Variants in MMP26 observed in about 807,000 individuals in gnomAD.
MMP26 encodes the protein matrix metalloproteinase-26.
MMP26 carries 33 observed loss-of-function variants against 31.0 expected under a neutral mutation model. The observed-to-expected ratio is 1.06, with a 90% CI of 0.81 to 1.42. The LOEUF (loss-of-function observed/expected upper bound fraction) is 1.42. Among genes scored for constraint, MMP26 ranks in the 40% most tolerant of loss-of-function variants. The probability of loss-of-function intolerance (pLI) is 0.00; values close to 1 mark genes in which losing one functional copy is unlikely to be tolerated. For missense variants in MMP26, 347 were observed against 316.1 expected (o/e 1.10, Z -0.74); for synonymous variants, 122 against 114.9 (o/e 1.06, Z -0.40).
chr11:4,746,819 A>G (rs1848386315), intron 1 of MMP26, among the ~76,000 whole-genome samples: 2 of 145,818 alleles, frequency 1.4e-5, no homozygotes, highest in South Asian at 2.2e-4. Flanking sequence ...GGGCAACAAG[A>G]GTAAGTCTCT....
At chr11:4,956,339 C>T (rs7131097) in intron 2 of MMP26, among the ~76,000 whole-genome samples, 60,572 of 152,006 alleles carry the variant, frequency 0.4, 12,265 homozygotes, top group South Asian at 0.58. Context: ...GGGATTGCAG[C>T]CAGGGTGGAT....
At position 4,740,949 on chromosome 11, in the gene MMP26, T is replaced by G. The variant is rs1228338181; in HGVS notation, c.-216-26321T>G. Among the ~76,000 whole-genome samples the G allele has an allele frequency of 2.0e-5, 3 of 152,352 alleles. No individual in the cohort carries two copies. In the East Asian group the frequency reaches 5.8e-4, roughly 29 times the overall value. On this transcript the variant is annotated intron_variant, in intron 1 of 7. Coordinates refer to ENST00000380390, the MANE Select transcript of MMP26 (RefSeq NM_021801.5). Reference sequence around the variant, plus strand: ...GTATTGAAAGGACAATATTAGCTTTTGTTGCAATTGCTTTTGGCGTTTTCA... The same window carrying G: ...GTATTGAAAGGACAATATTAGCTTTGGTTGCAATTGCTTTTGGCGTTTTCA...
chr11:4,712,456 G>T (rs970962609), intron 1 of MMP26: 1 of 152,006 alleles, frequency 6.6e-6, no homozygotes, highest in Non-Finnish European at 1.5e-5. Context: ...GAAAAATATA[G>T]CTCCTAGAAA....
intron 2 of MMP26, among the ~76,000 whole-genome samples, chr11:4,916,810 C>G (rs1589938517): frequency 6.6e-6 from 1 of 152,228 alleles, no homozygotes; most frequent in Non-Finnish European, 1.5e-5. Flanking sequence ...GTCCAGGAAT[C>G]CAACTGCTGT....
rs1849633913 is a variant in MMP26 at position 4,830,633 on chromosome 11, C to T, written c.-145+63292C>T. 2.0e-5 allele frequency among the ~76,000 whole-genome samples: 3 copies of T among 152,338 alleles called. No individual in the cohort carries two copies. The South Asian group carries it at 6.2e-4, about 32-fold the overall frequency. ...AGATGTTGTGTTATTGCTTTTGTCT[C>T]TGTCAGAATTCAGACTGTTAGCCAT... On this transcript the variant is annotated intron_variant, in intron 2 of 7. Coordinates refer to ENST00000380390, the MANE Select transcript of MMP26 (RefSeq NM_021801.5).
chr11:4,979,223 G>A (rs1225399160), intron 2 of MMP26, among the ~76,000 whole-genome samples: 1 of 152,128 alleles, frequency 6.6e-6, no homozygotes, highest in Admixed American at 6.6e-5. Flanking sequence ...ATGAAGCTGA[G>A]AGCAGTTGCT....
At chr11:4,819,566 A>ATTTTTTTTTTTTTTTTTTTTTTTTTT (rs71050433) in intron 2 of MMP26, among the ~76,000 whole-genome samples, 1 of 50,278 alleles carries the variant, frequency 2.0e-5, no homozygotes, top group African/African-American at 8.8e-5. Context: ...GAGTCGACTG[A>ATTTTTTTTTTTTTTTTTTTTTTTTTT]TTTTTTTTTT....
chr11:4,841,929 G>A (rs1035163758), intron 2 of MMP26, among the ~76,000 whole-genome samples: 3 of 152,156 alleles, frequency 2.0e-5, no homozygotes, highest in African/African-American at 7.2e-5. Context: ...GCAAAACTCT[G>A]TCTCAAAGGG....
At chr11:4,890,809 C>G (rs998724947) in intron 2 of MMP26, among the ~76,000 whole-genome samples, 2 of 151,858 alleles carry the variant, frequency 1.3e-5, no homozygotes, top group African/African-American at 4.8e-5. Flanking sequence ...AATATGGGTA[C>G]TTGCATACAT....
At chr11:4,963,481 A>G (rs1846548784) in intron 2 of MMP26, among the ~76,000 whole-genome samples, 1 of 152,192 alleles carries the variant, frequency 6.6e-6, no homozygotes, top group Admixed American at 6.5e-5. Flanking sequence ...CTGACTTCAA[A>G]CTATACTACA....
At chr11:4,978,985 C>A (rs373119827) in intron 2 of MMP26, among the ~76,000 whole-genome samples, 1 of 151,972 alleles carries the variant, frequency 6.6e-6, no homozygotes, top group African/African-American at 2.4e-5. Flanking sequence ...TTGCTTAGTC[C>A]AAGAGGTTAG....
At chr11:4,770,034 G>T in intron 2 of MMP26, 3 of 623,912 alleles carry the variant, frequency 4.8e-6, no homozygotes, top group Non-Finnish European at 8.7e-6. Context: ...AGTTATCCAA[G>T]GTCATAGATA....
chr11:4,890,474 G>C (rs1390446228), intron 2 of MMP26: 1 of 154,710 alleles, frequency 6.5e-6, no homozygotes, highest in Non-Finnish European at 1.5e-5. Context: ...AATTGCCTAG[G>C]ATGGCTACCA....
chr11:4,951,306 C>T (rs1033341222), intron 2 of MMP26, among the ~76,000 whole-genome samples: 1 of 123,760 alleles, frequency 8.1e-6, no homozygotes, highest in African/African-American at 2.7e-5. Flanking sequence ...TTCTGGGTAC[C>T]TGTCTGTCTT....
At chr11:4,930,843 ATAC>A (rs1235101327) in intron 2 of MMP26, among the ~76,000 whole-genome samples, 10 of 151,938 alleles carry the variant, frequency 6.6e-5, no homozygotes, top group Non-Finnish European at 1.5e-4. Context: ...CAATTAGTAA[ATAC>A]TATATAAATA....
chr11:4,859,480 A>C (rs1200940406), intron 2 of MMP26: 1 of 352,098 alleles, frequency 2.8e-6, no homozygotes, highest in East Asian at 7.4e-5. Flanking sequence ...ATGTATCTTC[A>C]CCCACAAGCC....
At chr11:4,845,890 G>A (rs1849860246) in intron 2 of MMP26, among the ~76,000 whole-genome samples, 1 of 152,154 alleles carries the variant, frequency 6.6e-6, no homozygotes, top group Non-Finnish European at 1.5e-5. Flanking sequence ...AAGCTATCAT[G>A]AGATCTCATC....
chr11:4,753,808 G>A (rs1848475598), intron 1 of MMP26, among the ~76,000 whole-genome samples: 1 of 152,018 alleles, frequency 6.6e-6, no homozygotes, highest in Admixed American at 6.6e-5. Flanking sequence ...GGGGAGAGAT[G>A]TTTCAGTTCC....
At chr11:4,891,501 C>T (rs1404963317) in intron 2 of MMP26, among the ~76,000 whole-genome samples, 1 of 152,178 alleles carries the variant, frequency 6.6e-6, no homozygotes, top group Non-Finnish European at 1.5e-5. Context: ...TTTATTTAAA[C>T]ATGAGATTTG....
Sources: allele counts gnomAD v4.1 joint callset (sites outside exome capture counted in the v4.1 genomes callset), GRCh38; gene constraint gnomAD v4.1.1; transcripts MANE v1.5; gene names NCBI Gene and HGNC (gene_info 2026-07-23, HGNC 2026-07-21).